Variants in SIPA1L1 observed in about 807,000 individuals in gnomAD.
SIPA1L1 encodes the protein signal-induced proliferation-associated 1-like protein 1.
A neutral mutation model predicts 162.7 loss-of-function variants in SIPA1L1; 26 were observed. That is an observed-to-expected ratio of 0.16 (90% confidence interval 0.12 to 0.22). The LOEUF (loss-of-function observed/expected upper bound fraction) is 0.22, where lower values mean the gene tolerates loss of function less well. Ranked by LOEUF, SIPA1L1 falls within the 10% of genes least tolerant of loss-of-function variation. The pLI is 1.00. For synonymous variants in SIPA1L1, 829 were observed against 837.4 expected (o/e 0.99, Z 0.17); for missense variants, 1,874 against 2,241.0 (o/e 0.84, Z 3.31).
chr14:71,337,649 C>A (rs4899395), intron 2 of SIPA1L1, among the ~76,000 whole-genome samples: 1 of 152,090 alleles, frequency 6.6e-6, no homozygotes, highest in African/African-American at 2.4e-5. Context: ...TCCCATGACA[C>A]GTGGGAATTA....
chr14:71,581,005 A>G (rs2033855980), intron 4 of SIPA1L1, among the ~76,000 whole-genome samples: 1 of 152,214 alleles, frequency 6.6e-6, no homozygotes, highest in African/African-American at 2.4e-5. Flanking sequence ...TATCTATAAC[A>G]TATCAAAATT....
intron 2 of SIPA1L1, among the ~76,000 whole-genome samples, chr14:71,484,652 G>T (rs540612787): frequency 6.6e-6 from 1 of 152,130 alleles, no homozygotes; most frequent in Non-Finnish European, 1.5e-5. Context: ...GAATCTGGAC[G>T]TGATACTCAT....
chr14:71,502,943 A>T (rs903719414), intron 2 of SIPA1L1, among the ~76,000 whole-genome samples: 1 of 152,230 alleles, frequency 6.6e-6, no homozygotes, highest in Non-Finnish European at 1.5e-5. Context: ...CATATTTTAT[A>T]AAAGACTTAG....
chr14:71,397,999 A>C (rs967551245), intron 2 of SIPA1L1, among the ~76,000 whole-genome samples: 5 of 114,642 alleles, frequency 4.4e-5, no homozygotes, highest in Admixed American at 2.2e-4. Context: ...TTAAATAACC[A>C]AAAAAAAAAA....
At chr14:71,348,622 A>G (rs2036406437) in intron 2 of SIPA1L1, among the ~76,000 whole-genome samples, 1 of 152,226 alleles carries the variant, frequency 6.6e-6, no homozygotes, top group Admixed American at 6.5e-5. Flanking sequence ...GCTGTGTCAT[A>G]AAGTGTATCT....
chr14:71,526,598 G>A (rs536951330), intron 3 of SIPA1L1, among the ~76,000 whole-genome samples: 2 of 152,206 alleles, frequency 1.3e-5, no homozygotes, highest in East Asian at 3.9e-4. Flanking sequence ...AAGTTTTATC[G>A]GAACACAGCC....
intron 21 of SIPA1L1, among the ~76,000 whole-genome samples, chr14:71,734,314 C>T (rs939278371): frequency 1.3e-5 from 2 of 152,240 alleles, no homozygotes; most frequent in Admixed American, 6.5e-5. Context: ...TTTAGGCTGG[C>T]GGTTCTTAAA....
At chr14:71,565,005 C>G (rs774067228) in intron 4 of SIPA1L1, among the ~76,000 whole-genome samples, 10 of 152,110 alleles carry the variant, frequency 6.6e-5, no homozygotes, top group Non-Finnish European at 1.3e-4. Context: ...TGGTTTCACA[C>G]GATCAGATTG....
At chr14:71,589,397 A>G (rs764289430) in intron 5 of SIPA1L1, 27 bp downstream of exon 5, 11 of 1,473,152 alleles carry the variant, frequency 7.5e-6, no homozygotes, top group Non-Finnish European at 9.4e-6. Flanking sequence ...TATTTCTTAC[A>G]TTTTCTTTTG....
At chr14:71,330,804 C>T (rs1378794783) in intron 2 of SIPA1L1, 6 of 679,006 alleles carry the variant, frequency 8.8e-6, no homozygotes, top group Non-Finnish European at 1.6e-5. Context: ...TCAGGCTTCA[C>T]TCCATATTCT....
intron 12 of SIPA1L1, among the ~76,000 whole-genome samples, chr14:71,682,733 G>A (rs1343774826): frequency 6.6e-6 from 1 of 152,224 alleles, no homozygotes; most frequent in Non-Finnish European, 1.5e-5. Context: ...AAGAGTGTTT[G>A]AAGAAACCCA....
At chr14:71,708,595 G>T (rs1038615541) in intron 16 of SIPA1L1, among the ~76,000 whole-genome samples, 2 of 152,158 alleles carry the variant, frequency 1.3e-5, no homozygotes, top group African/African-American at 2.4e-5. Flanking sequence ...AAAGTGCTGG[G>T]ACTATAGGTG....
chr14:71,344,547 A>C (rs374564851), intron 2 of SIPA1L1, among the ~76,000 whole-genome samples: 1 of 151,732 alleles, frequency 6.6e-6, no homozygotes, highest in African/African-American at 2.4e-5. Flanking sequence ...AAATTTCTCT[A>C]TCTGTCTGTC....
chr14:71,622,701 G>T (rs889629573), intron 6 of SIPA1L1, among the ~76,000 whole-genome samples: 43 of 152,232 alleles, frequency 2.8e-4, no homozygotes, highest in Admixed American at 1.1e-3. Context: ...AAAGAAAAAA[G>T]GTACTCATTC....
At chr14:71,411,781 T>C (rs1023348338) in intron 2 of SIPA1L1, among the ~76,000 whole-genome samples, 2 of 152,208 alleles carry the variant, frequency 1.3e-5, no homozygotes, top group African/African-American at 4.8e-5. Context: ...TGCTTCGAGT[T>C]ACTGTAGTTC....
chr14:71,409,922 T>C (rs977942164), intron 2 of SIPA1L1, among the ~76,000 whole-genome samples: 1 of 152,210 alleles, frequency 6.6e-6, no homozygotes, highest in Non-Finnish European at 1.5e-5. Flanking sequence ...TTTACGGGGC[T>C]TGCTTTTTGG....
rs754692222 is a variant in SIPA1L1 at position 71,723,937 on chromosome 14, A to C, written c.4448+51A>C. On this transcript the variant is annotated intron_variant, in intron 18 of 23. Coordinates refer to ENST00000381232, the MANE Select transcript of SIPA1L1 (RefSeq NM_001386936.1). ...TGGTGGCTTGCTTTTAACAGGACAG[A>C]GAATAGAAAAGCTTGGCGTGATCTC... The C allele has an allele frequency of 1.9e-6, 3 of 1,605,340 alleles. No individual in the cohort carries two copies. In the Admixed American group the frequency reaches 5.1e-5, roughly 27 times the overall value.
chr14:71,407,763 T>G (rs1301232398), intron 2 of SIPA1L1, among the ~76,000 whole-genome samples: 1 of 152,262 alleles, frequency 6.6e-6, no homozygotes, highest in Non-Finnish European at 1.5e-5. Flanking sequence ...TTATTTCTTT[T>G]ATACTGTAGC....
intron 2 of SIPA1L1, among the ~76,000 whole-genome samples, chr14:71,373,080 T>A (rs1309795496): frequency 1.3e-5 from 2 of 151,004 alleles, no homozygotes; most frequent in East Asian, 4.0e-4. Context: ...GGGAGGCCGA[T>A]GCAGGCGGAT....
Sources: allele counts gnomAD v4.1 joint callset (sites outside exome capture counted in the v4.1 genomes callset), GRCh38; gene constraint gnomAD v4.1.1; transcripts MANE v1.5; gene names NCBI Gene and HGNC (gene_info 2026-07-23, HGNC 2026-07-21).